CASD1: variants seen among roughly 807,000 people sequenced by gnomAD.
CASD1 encodes the protein N-acetylneuraminate (7)9-O-acetyltransferase.
CASD1 carries 41 observed loss-of-function variants against 100.0 expected under a neutral mutation model. That is an observed-to-expected ratio of 0.41 (90% CI 0.32 to 0.53). The LOEUF is 0.53. Among genes scored for constraint, CASD1 ranks in the 20% least tolerant of loss-of-function variants. The pLI is 0.25. For synonymous variants in CASD1, 321 were observed against 315.6 expected, an observed-to-expected ratio of 1.02 and a Z score of -0.18; for missense variants, 774 against 948.7, an observed-to-expected ratio of 0.82 and a Z score of 2.42.
Position 94,535,394 on chromosome 7 carries a change from T to C in CASD1, c.714T>C (p.Ser238=), listed in dbSNP as rs1055122124. 8 of 1,613,172 alleles carry C rather than the reference T, an allele frequency of 5.0e-6. No individual in the cohort carries two copies. The highest frequency in any genetic ancestry group is 1.6e-4 in the Middle Eastern group (1 of 6,062). The change falls in exon 8 of 18, where the codon AGT becomes AGC. Residue 238 remains serine (S), a synonymous_variant. Transcript: ENST00000297273. Reference sequence around the variant, plus strand: ...ATGCTTACAATGAAGCTGCAGTCAGTATTTTGAATAGTAGCACCAGAAATT... The same window carrying C: ...ATGCTTACAATGAAGCTGCAGTCAGCATTTTGAATAGTAGCACCAGAAATT... The part of the protein sequence containing the change: ...KIDAYNEAAV[S]ILNSSTRNSK...
intron 10 of CASD1, among the ~76,000 whole-genome samples, chr7:94,542,858 G>A (rs969258567): frequency 2.6e-5 from 4 of 152,130 alleles, no homozygotes; most frequent in Non-Finnish European, 4.4e-5. Context: ...ATTCTAATAT[G>A]TTACACCCTC....
the CASD1 span, among the ~76,000 whole-genome samples, chr7:94,593,654 C>T: frequency 6.6e-6 from 1 of 151,954 alleles, no homozygotes; most frequent in African/African-American, 2.4e-5. Context: ...CCTCTCCACA[C>T]CATTTTCCTC....
At position 94,552,233 on chromosome 7, in the gene CASD1, A is replaced by G. The variant is rs1233562198; in HGVS notation, c.1957-117A>G. 6.5e-5 allele frequency: 46 copies of G among 702,656 alleles called. No homozygotes were observed. In the East Asian group the frequency reaches 1.3e-3, roughly 19 times the overall value. The allele number at this position is 702,656 out of a possible 1,614,324, so 43.5% of individuals were successfully genotyped here. ...CAAGCAGTTTTTACTGATAGTTTTT[A>G]CATAGCATAATGAAGTATAATGTTA... On this transcript the variant is annotated intron_variant, in intron 15 of 17. Transcript: ENST00000297273.
At chr7:94,578,479 C>G in the CASD1 span, among the ~76,000 whole-genome samples, 1 of 152,270 alleles carries the variant, frequency 6.6e-6, no homozygotes, top group South Asian at 2.1e-4. Flanking sequence ...TGGTTTCTGA[C>G]CATTCTGTTG....
At position 94,537,799 on chromosome 7, in the gene CASD1, A is replaced by G. The variant is rs753973557; in HGVS notation, c.1171A>G (p.Met391Val). Reference protein sequence around the residue: ...FYMCDRANLFMKENKFYTHSS... With the variant: ...FYMCDRANLFVKENKFYTHSS... ...TATGTGTGACCGTGCAAATCTGTTC[A>G]TGAAGGAAAACAAATTTTATACACA... is the stretch of plus-strand genomic sequence containing the variant. The change falls in exon 9 of 18, where the codon ATG becomes GTG. Residue 391 changes from methionine (M) to valine (V), a missense_variant. Coordinates refer to ENST00000297273, the MANE Select transcript of CASD1 (RefSeq NM_022900.5). 50 of 1,610,800 alleles carry G rather than the reference A, an allele frequency of 3.1e-5. No individual in the cohort carries two copies. Among genetic ancestry groups the G allele is most frequent in the Non-Finnish European group, 4.0e-5 (47 of 1,177,302 alleles).
the CASD1 span, among the ~76,000 whole-genome samples, chr7:94,583,139 C>A: frequency 2.0e-5 from 3 of 152,170 alleles, no homozygotes; most frequent in African/African-American, 7.2e-5. Context: ...ATGTTATTTT[C>A]TATTTAATTT....
the CASD1 span, chr7:94,585,449 C>A: frequency 3.9e-6 from 6 of 1,549,594 alleles, no homozygotes; most frequent in Non-Finnish European, 5.3e-6. Context: ...TGTGATGTAA[C>A]TGCTATATTG....
chr7:94,550,824 G>A (rs560479492), intron 14 of CASD1, among the ~76,000 whole-genome samples: 1 of 152,098 alleles, frequency 6.6e-6, no homozygotes, highest in African/African-American at 2.4e-5. Context: ...TCAGTCTATT[G>A]CAATGATAGT....
At chr7:94,605,989 C>G in the CASD1 span, among the ~76,000 whole-genome samples, 19,063 of 152,000 alleles carry the variant, frequency 0.13, 1,435 homozygotes, top group South Asian at 0.24. Context: ...CCACCACACC[C>G]AGCTAATTTT....
At position 94,551,995 on chromosome 7, in the gene CASD1, T is replaced by C. The variant is rs939529338; in HGVS notation, c.1957-355T>C. On this transcript the variant is annotated intron_variant, in intron 15 of 17. Coordinates refer to ENST00000297273, the MANE Select transcript of CASD1 (RefSeq NM_022900.5). The stretch of plus-strand genomic sequence containing the variant: ...AAATTCTAAAGAGACTATATATAAG[T>C]TAAAAATGAAGAATAAATAAGAGCT... 9 of 203,080 alleles carry C rather than the reference T, an allele frequency of 4.4e-5. 1 individual carries two copies. Among genetic ancestry groups the C allele is most frequent in the African/African-American group, 2.1e-4 (9 of 42,472 alleles). 12.6% of individuals were successfully genotyped at this position (203,080 alleles called of 1,614,324 possible).
In CASD1 at chr7:94,555,982, AT is replaced by A. The variant is rs1796189244; in HGVS notation, c.*226del. The A allele has an allele frequency of 2.4e-6, 1 of 413,268 alleles. No individual in the cohort carries two copies. The highest frequency in any genetic ancestry group is 2.0e-5 in the African/African-American group (1 of 49,162). 25.6% of individuals were successfully genotyped at this position (413,268 alleles called of 1,614,324 possible). A position where few individuals can be genotyped will look rare whatever the true frequency, so the allele number is the denominator to read the frequency against. On this transcript the variant is annotated 3_prime_UTR_variant, in exon 18 of 18. Coordinates refer to ENST00000297273, the MANE Select transcript of CASD1 (RefSeq NM_022900.5). ...ACAAACAAACAAAAAACCAGAATGCATTGTATAGGATTGCATGTGAAGTCTT... is the reference window on the plus strand; with the variant it reads ...ACAAACAAACAAAAAACCAGAATGCATGTATAGGATTGCATGTGAAGTCTT...
intron 15 of CASD1, 95 bp from the exon 16 acceptor site, chr7:94,552,255 G>A: frequency 3.7e-6 from 3 of 810,642 alleles, no homozygotes; most frequent in Non-Finnish European, 6.1e-6. Flanking sequence ...GAAGTATAAT[G>A]TTATAAATAA....
chr7:94,584,653 T>A, the CASD1 span, among the ~76,000 whole-genome samples: 2 of 152,186 alleles, frequency 1.3e-5, no homozygotes, highest in African/African-American at 4.8e-5. Context: ...TTCCAGCTAG[T>A]CCAGTCTGCA....
chr7:94,571,770 C>A, the CASD1 span, among the ~76,000 whole-genome samples: 1 of 151,950 alleles, frequency 6.6e-6, no homozygotes, highest in Non-Finnish European at 1.5e-5. Flanking sequence ...ATTCCAGCTT[C>A]TCTGTGTGGC....
At chr7:94,628,159 CACACAT>C in the CASD1 span, 4 of 1,480,452 alleles carry the variant, frequency 2.7e-6, no homozygotes, top group African/African-American at 4.2e-5. Context: ...CACACACACA[CACACAT>C]ATATGTATAG....
intron 7 of CASD1, among the ~76,000 whole-genome samples, chr7:94,534,570 TTAG>T (rs1377941120): frequency 6.6e-6 from 1 of 152,238 alleles, no homozygotes; most frequent in African/African-American, 2.4e-5. Context: ...AATGAAATTC[TTAG>T]TAGACATTAG....
chr7:94,629,997 T>C, the CASD1 span: 5 of 803,884 alleles, frequency 6.2e-6, no homozygotes, highest in African/African-American at 1.8e-5. Flanking sequence ...TAACAATTTG[T>C]TTTAAATGGA....
chr7:94,557,194 A>G (rs763550363), downstream of CASD1, among the ~76,000 whole-genome samples: 2 of 152,064 alleles, frequency 1.3e-5, no homozygotes, highest in African/African-American at 2.4e-5. Context: ...TTTAAGCATT[A>G]TGGTTCATTA....
intron 3 of CASD1, among the ~76,000 whole-genome samples, chr7:94,519,070 C>T (rs1034482358): frequency 6.6e-6 from 1 of 152,094 alleles, no homozygotes; most frequent in African/African-American, 2.4e-5. Context: ...TGCAAACTTT[C>T]TGGCATTGGG....
Sources: allele counts gnomAD v4.1 joint callset (sites outside exome capture counted in the v4.1 genomes callset), GRCh38; gene constraint gnomAD v4.1.1; transcripts MANE v1.5; gene names NCBI Gene and HGNC (gene_info 2026-07-23, HGNC 2026-07-21).